The following SOX5 variants were observed in gnomAD, a reference collection of about 807,000 sequenced individuals.
The protein encoded by SOX5 is SRY-box transcription factor 5, also known as transcription factor SOX-5.
Under a neutral mutation model 92.0 loss-of-function variants are expected in SOX5, and 9 were observed. The ratio of observed to expected loss-of-function variants is 0.10; its 90% confidence interval spans 0.06 to 0.17. The LOEUF is 0.17. SOX5 is among the 10% of genes least tolerant of loss of function. The pLI is 1.00. For synonymous variants in SOX5, 344 were observed against 336.3 expected, an observed-to-expected ratio of 1.02 and a Z score of -0.25; for missense variants, 642 against 944.5, an observed-to-expected ratio of 0.68 and a Z score of 4.20.
At chr12:24,177,881 G>A (rs1245575592) in intron 4 of SOX5, among the ~76,000 whole-genome samples, 1 of 152,140 alleles carries the variant, frequency 6.6e-6, no homozygotes, top group Non-Finnish European at 1.5e-5. Context: ...ATTGACCCAG[G>A]ACTTTGTTTT....
At chr12:23,883,831 A>T (rs1330589311) in intron 2 of SOX5, among the ~76,000 whole-genome samples, 1 of 152,206 alleles carries the variant, frequency 6.6e-6, no homozygotes. Flanking sequence ...TAAGCAAAAT[A>T]ATGTCTGCAA....
intron 3 of SOX5, among the ~76,000 whole-genome samples, chr12:23,805,052 G>T (rs1209501460): frequency 1.4e-5 from 2 of 147,546 alleles, no homozygotes; most frequent in African/African-American, 5.0e-5. Flanking sequence ...AGAGTGCTTT[G>T]CATGACTAGA....
intron 3 of SOX5, among the ~76,000 whole-genome samples, chr12:24,244,794 G>A (rs1938286356): frequency 1.3e-5 from 2 of 152,294 alleles, no homozygotes; most frequent in African/African-American, 2.4e-5. Context: ...CTGAGTTCAA[G>A]CAATTCTCCT....
rs958918393 is a variant in SOX5 at position 24,118,207 on chromosome 12, G to T, written c.-2+95136C>A. ...TTTTGCACTGCATGGTGACCAGTTA[G>T]TTATCACTGTATATTTCCAAATTGC... On this transcript the variant is annotated intron_variant, in intron 4 of 4. Transcript: ENST00000446891. 1.4e-4 allele frequency among the ~76,000 whole-genome samples: 21 copies of T among 151,976 alleles called. 1 individual carries two copies. Among genetic ancestry groups the T allele is most frequent in the African/African-American group, 5.1e-4 (21 of 41,384 alleles).
At position 24,511,815 on chromosome 12, in the gene SOX5, GGGCGTGGT is replaced by G. The variant is rs575112248; in HGVS notation, c.-251+50506_-251+50513del. 7.9e-5 allele frequency among the ~76,000 whole-genome samples: 12 copies of G among 152,052 alleles called. No individual in the cohort carries two copies. The South Asian group carries it at 2.5e-3, about 32-fold the overall frequency. On this transcript the variant is annotated intron_variant, in intron 1 of 4. Transcript: ENST00000446891. Reference sequence around the variant, plus strand: ...CTACTAAAACTACAAAAAATTAGCCGGGCGTGGTGGCGGGTGCCTGTAGTCCCAGCTAC... The same window carrying G: ...CTACTAAAACTACAAAAAATTAGCCGGGCGGGTGCCTGTAGTCCCAGCTAC...
intron 4 of SOX5, among the ~76,000 whole-genome samples, chr12:23,996,174 A>G (rs1388757311): frequency 1.3e-5 from 2 of 152,208 alleles, no homozygotes. Flanking sequence ...CTTAAATTCC[A>G]GAGACCTGAA....
chr12:24,538,598 A>AACACAC (rs60114784), intron 1 of SOX5, among the ~76,000 whole-genome samples: 9,702 of 143,740 alleles, frequency 0.067, 434 homozygotes, highest in Non-Finnish European at 0.09. Flanking sequence ...GCTGGATCTA[A>AACACAC]ACACACACAC....
intron 11 of SOX5, among the ~76,000 whole-genome samples, chr12:23,550,714 G>A (rs76635810): frequency 0.021 from 3,233 of 151,724 alleles, 116 homozygotes; most frequent in African/African-American, 0.074. Context: ...ATGAGTTACA[G>A]TTCCAGACTG....
intron 4 of SOX5, among the ~76,000 whole-genome samples, chr12:24,102,494 C>T (rs1015778809): frequency 6.6e-6 from 1 of 152,140 alleles, no homozygotes; most frequent in African/African-American, 2.4e-5. Flanking sequence ...GGAAACAAAT[C>T]AATTCTTCTT....
chr12:23,722,726 T>C (rs750714668), intron 6 of SOX5, among the ~76,000 whole-genome samples: 1 of 152,210 alleles, frequency 6.6e-6, no homozygotes, highest in South Asian at 2.1e-4. Context: ...GTCTGACTGA[T>C]GTAAGATGTT....
At chr12:24,002,629 G>T (rs1385503115) in intron 4 of SOX5, among the ~76,000 whole-genome samples, 1 of 147,146 alleles carries the variant, frequency 6.8e-6, no homozygotes, top group Non-Finnish European at 1.5e-5. Flanking sequence ...AAACCTGCTG[G>T]CATTTTTATA....
intron 3 of SOX5, among the ~76,000 whole-genome samples, chr12:23,823,872 A>C (rs1348301470): frequency 6.6e-6 from 1 of 152,148 alleles, no homozygotes; most frequent in Non-Finnish European, 1.5e-5. Flanking sequence ...GTTGATCTTC[A>C]ATCTCTGATA....
In SOX5 at chr12:24,122,755, C is replaced by A. The variant is rs1376914862; in HGVS notation, c.-2+90588G>T. ...AACTATTGTGTCTTTGTTTTGTTTC[C>A]ATTTCTTTCCTGAAAAATATGAAAA... On this transcript the variant is annotated intron_variant, in intron 4 of 4. Coordinates refer to the SOX5 transcript ENST00000446891. Among the ~76,000 whole-genome samples the A allele has an allele frequency of 2.0e-5, 3 of 152,134 alleles. No homozygotes were observed. The East Asian group carries it at 5.8e-4, about 29-fold the overall frequency.
intron 4 of SOX5, among the ~76,000 whole-genome samples, chr12:24,006,708 A>C (rs982914831): frequency 6.6e-6 from 1 of 152,102 alleles, no homozygotes; most frequent in Non-Finnish European, 1.5e-5. Context: ...ATCAGTAATA[A>C]AGGTAATCTT....
chr12:24,189,613 C>G (rs1956331600), intron 4 of SOX5, among the ~76,000 whole-genome samples: 1 of 152,094 alleles, frequency 6.6e-6, no homozygotes, highest in Non-Finnish European at 1.5e-5. Flanking sequence ...ATCTTTGTAT[C>G]TGGGGGAGGC....
At chr12:24,318,914 C>G (rs1949956409) in intron 2 of SOX5, among the ~76,000 whole-genome samples, 4 of 152,152 alleles carry the variant, frequency 2.6e-5, no homozygotes, top group Non-Finnish European at 4.4e-5. Context: ...CAGATTAACA[C>G]TCTCCTAATA....
chr12:23,551,118 C>T (rs1944122261), intron 11 of SOX5, among the ~76,000 whole-genome samples: 1 of 151,942 alleles, frequency 6.6e-6, no homozygotes, highest in Non-Finnish European at 1.5e-5. Flanking sequence ...CATGAAATGA[C>T]AGAATAGAGT....
At chr12:23,622,045 T>C (rs2077243458) in intron 8 of SOX5, among the ~76,000 whole-genome samples, 1 of 152,098 alleles carries the variant, frequency 6.6e-6, no homozygotes, top group African/African-American at 2.4e-5. Flanking sequence ...CCTTGCTAAA[T>C]GGAGGCCTTG....
At position 23,559,011 on chromosome 12, in the gene SOX5, T is replaced by C. The variant is rs1323531361; in HGVS notation, c.1488+4247A>G. Among the ~76,000 whole-genome samples, 3 of 152,212 alleles carry C rather than the reference T, an allele frequency of 2.0e-5. No individual in the cohort carries two copies. The East Asian group carries it at 5.8e-4, about 29-fold the overall frequency. ...ACAGTCTTCCCAGGTTAAGTATATA[T>C]GGAGTGAGTGACACAAACGGAAAAG... On this transcript the variant is annotated intron_variant, in intron 11 of 14. Transcript: ENST00000451604.
Sources: allele counts gnomAD v4.1 joint callset (sites outside exome capture counted in the v4.1 genomes callset), GRCh38; gene constraint gnomAD v4.1.1; transcripts MANE v1.5; gene names NCBI Gene and HGNC (gene_info 2026-07-23, HGNC 2026-07-21).